PAN2: variants seen among roughly 807,000 people sequenced by gnomAD.
PAN2 encodes PAN2-PAN3 deadenylation complex catalytic subunit PAN2.
PAN2 carries 68 observed loss-of-function variants against 133.3 expected under a neutral mutation model. The observed-to-expected ratio is 0.51, with a 90% CI of 0.42 to 0.62. PAN2 has a LOEUF of 0.62. PAN2 is among the 20% of genes least tolerant of loss of function. PAN2 has a pLI of 0.00. For missense variants in PAN2, 1,042 were observed against 1,500.5 expected (o/e 0.69, Z 5.05); for synonymous variants, 462 against 544.6 (o/e 0.85, Z 2.11).
intron 5 of PAN2, 121 bp from the exon 6 acceptor site, chr12:56,327,752 C>A: frequency 7.6e-7 from 1 of 1,315,704 alleles, no homozygotes; most frequent in Admixed American, 2.6e-5. Context: ...AAAGTTAAAG[C>A]ACAGAAAAGG....
intron 2 of PAN2, 186 bp downstream of exon 2, chr12:56,332,627 C>A: frequency 1.7e-6 from 1 of 591,910 alleles, no homozygotes. Flanking sequence ...AAAGGGATGC[C>A]TCCTGAGAAA....
At chr12:56,318,969 C>A in intron 24 of PAN2, 119 bp downstream of exon 24, 1 of 883,914 alleles carries the variant, frequency 1.1e-6, no homozygotes, top group Non-Finnish European at 1.8e-6. Context: ...TGAGTTAGTT[C>A]ACTTAGTATG....
chr12:56,329,124 G>A (rs1875450575), intron 2 of PAN2, among the ~76,000 whole-genome samples: 1 of 152,188 alleles, frequency 6.6e-6, no homozygotes, highest in African/African-American at 2.4e-5. Context: ...CCAAGAAGAT[G>A]ATGGTAACTA....
At chr12:56,325,482 G>C in intron 8 of PAN2, 28 bp from the exon 9 acceptor site, 1 of 1,612,400 alleles carries the variant, frequency 6.2e-7, no homozygotes, top group Non-Finnish European at 8.5e-7. Flanking sequence ...AGGTAACCTT[G>C]TTGGATGTCT....
rs756998251 is a variant in PAN2 at position 56,323,197 on chromosome 12, C to T, written c.2358G>A (p.Gly786=). ...GACACACCAGCACACCCTCTGGACTCCCTAGTTCCTTCCTATCAGGTCAGA... is the reference window on the plus strand; with the variant it reads ...GACACACCAGCACACCCTCTGGACTTCCTAGTTCCTTCCTATCAGGTCAGA... ...EFALADWKEL[G]SPEGVLVCPS... The change falls in exon 17 of 26, where the codon GGG becomes GGA. Residue 786 remains glycine (G), a synonymous_variant. Coordinates refer to ENST00000440411, the MANE Select transcript of PAN2 (RefSeq NM_014871.6). 3.1e-6 allele frequency: 5 copies of T among 1,614,022 alleles called. No homozygotes were observed. The East Asian group carries it at 1.1e-4, about 36-fold the overall frequency.
intron 5 of PAN2, 116 bp downstream of exon 5, chr12:56,327,879 C>A (rs1875296460): frequency 6.6e-7 from 1 of 1,504,992 alleles, no homozygotes; most frequent in Non-Finnish European, 8.9e-7. Flanking sequence ...TGAATTCACT[C>A]CACTCATCCC....
In PAN2 at chr12:56,317,633, G is replaced by A. The variant is rs1292328895; in HGVS notation, c.3573C>T (p.Val1191=). 1 of 1,613,810 alleles carries A rather than the reference G, an allele frequency of 6.2e-7. No individual in the cohort carries two copies. The highest frequency in any genetic ancestry group is 1.1e-5 in the South Asian group (1 of 91,010). The part of the protein sequence containing the change: ...EGQTSPKNAA[V]FSSVLAL ...GTCAGAGCGCCAGCACTGAGGAGAAGACAGCTGCATCTGTCAGAGACAAAA... is the reference window on the plus strand; with the variant it reads ...GTCAGAGCGCCAGCACTGAGGAGAAAACAGCTGCATCTGTCAGAGACAAAA... Residue 1191 remains valine, a synonymous_variant, in exon 26 of 26, where the codon GTC becomes GTT. Coordinates refer to ENST00000440411, the MANE Select transcript of PAN2 (RefSeq NM_014871.6).
chr12:56,324,014 C>A, intron 13 of PAN2, 35 bp downstream of exon 13: 1 of 1,613,302 alleles, frequency 6.2e-7, no homozygotes, highest in Non-Finnish European at 8.5e-7. Flanking sequence ...GGGGAGCCTT[C>A]CCAACTGAGC....
intron 25 of PAN2, 145 bp from the exon 26 acceptor site, chr12:56,317,788 T>C (rs1320949225): frequency 2.8e-6 from 2 of 705,934 alleles, no homozygotes; most frequent in Non-Finnish European, 5.1e-6. Context: ...GAAGTTATAG[T>C]TAATGGAGAG....
chr12:56,318,112 G>C (rs1874108943), intron 25 of PAN2, 125 bp downstream of exon 25: 1 of 775,784 alleles, frequency 1.3e-6, no homozygotes, highest in East Asian at 2.5e-5. Context: ...AGGAAGTCGA[G>C]GCTGCAGTGA....
At chr12:56,330,906 C>T (rs1385765662) in intron 2 of PAN2, among the ~76,000 whole-genome samples, 1 of 152,106 alleles carries the variant, frequency 6.6e-6, no homozygotes, top group Non-Finnish European at 1.5e-5. Context: ...TCAAGCAATT[C>T]TCCTGCTTCA....
intron 5 of PAN2, 165 bp from the exon 6 acceptor site, chr12:56,327,796 A>G: frequency 1.6e-6 from 2 of 1,242,338 alleles, no homozygotes; most frequent in South Asian, 1.6e-5. Context: ...AAGGGGCTTC[A>G]GGGAGACTTC....
intron 24 of PAN2, 110 bp downstream of exon 24, chr12:56,318,978 T>C: frequency 1.0e-6 from 1 of 980,880 alleles, no homozygotes; most frequent in Non-Finnish European, 1.6e-6. Flanking sequence ...TCACTTAGTA[T>C]GATGGCCCAC....
chr12:56,325,381 C>T lies in PAN2; in HGVS notation c.1433G>A (p.Arg478Gln), dbSNP rs149179511. The part of the protein sequence containing the change: ...FSQVTESPVG[R>Q]EEEPHLHMVS... ...CATGTGGAGATGTGGTTCCTCTTCT[C>T]GTCCTACTGGTGACTCAGTGACCTG... The change falls in exon 9 of 26, where the codon CGA (arginine) becomes CAA (glutamine). Residue 478 changes from arginine (R) to glutamine (Q), a missense_variant. This residue lies in a region of PAN2 where 908 missense variants were observed against 1,223.5 expected (regional missense o/e 0.74). Transcript: ENST00000440411. 1.9e-4 allele frequency: 302 copies of T among 1,614,214 alleles called. 1 individual carries two copies. The African/African-American group carries it at 3.5e-3, about 19-fold the overall frequency.
At position 56,327,771 on chromosome 12, in the gene PAN2, G is replaced by T. The variant is rs554277531; in HGVS notation, c.652-140C>A. 1.1e-4 allele frequency: 138 copies of T among 1,259,320 alleles called. 1 individual carries two copies. Among genetic ancestry groups the T allele is most frequent in the South Asian group, 2.0e-4 (13 of 65,016 alleles). 78.0% of individuals were successfully genotyped at this position (1,259,320 alleles called of 1,614,324 possible). On this transcript the variant is annotated intron_variant, in intron 5 of 25. Coordinates refer to ENST00000440411, the MANE Select transcript of PAN2 (RefSeq NM_014871.6). ...TTAAAGCACAGAAAAGGCAAACAGA[G>T]AAGCCCAGAGCCAGAAGGGGCTTCA...
chr12:56,329,097 C>A (rs530410686), intron 2 of PAN2, among the ~76,000 whole-genome samples: 2 of 152,212 alleles, frequency 1.3e-5, no homozygotes, highest in South Asian at 4.1e-4. Context: ...GATCTTGGAA[C>A]CAATCCCACA....
At chr12:56,330,108 A>G (rs1215200133) in intron 2 of PAN2, among the ~76,000 whole-genome samples, 1 of 152,164 alleles carries the variant, frequency 6.6e-6, no homozygotes, top group Non-Finnish European at 1.5e-5. Context: ...GGAGAGGCAC[A>G]AGGATAAGTT....
Position 56,322,669 on chromosome 12 carries a change from C to A in PAN2, c.2583G>T (p.Gly861=), listed in dbSNP as rs776019722. 5 of 1,614,168 alleles carry A rather than the reference C, an allele frequency of 3.1e-6. No individual in the cohort carries two copies. Among genetic ancestry groups the A allele is most frequent in the Non-Finnish European group, 4.2e-6 (5 of 1,180,046 alleles). ...TVVHILDSRT[G]GSLVAHIKVG... ...CTTTGATGTGAGCCACCAGGCTGCC[C>A]CCTGTGCGTGAGTCCAGGATGTGTA... Residue 861 remains glycine, a synonymous_variant, in exon 18 of 26, where the codon GGG becomes GGT. Transcript: ENST00000440411.
intron 24 of PAN2, chr12:56,318,682 C>T (rs1390069108): frequency 6.2e-6 from 3 of 486,412 alleles, no homozygotes; most frequent in East Asian, 3.4e-5. Flanking sequence ...TTTCTTTTCC[C>T]CCCATGCTTT....
Sources: gnomAD v4.1 joint callset for allele counts (sites outside exome capture counted in the v4.1 genomes callset) on GRCh38, gnomAD v4.1.1 for gene constraint, gnomAD v4.1.1 regional missense constraint, MANE v1.5 for transcripts, NCBI Gene and HGNC (gene_info 2026-07-23, HGNC 2026-07-21) for gene names.